KCNIP4: variants seen among roughly 807,000 people sequenced by gnomAD.
KCNIP4 encodes Kv channel-interacting protein 4.
Under a neutral mutation model 34.0 loss-of-function variants are expected in KCNIP4, and 12 were observed. The observed-to-expected ratio is 0.35, with a 90% CI of 0.23 to 0.57. The LOEUF is 0.57. KCNIP4 is among the 20% of genes least tolerant of loss of function. The probability of loss-of-function intolerance (pLI) is 0.83; values close to 1 mark genes in which losing one functional copy is unlikely to be tolerated. For missense variants in KCNIP4, 238 were observed against 311.7 expected (o/e 0.76, Z 1.78); for synonymous variants, 124 against 102.2 (o/e 1.21, Z -1.29).
chr4:21,027,765 T>C (rs774156802), intron 1 of KCNIP4, among the ~76,000 whole-genome samples: 7 of 152,080 alleles, frequency 4.6e-5, no homozygotes, highest in Non-Finnish European at 7.4e-5. Flanking sequence ...ACCGTTTGTC[T>C]AATTTTGTTA....
At chr4:21,253,821 G>A (rs572294646) in intron 1 of KCNIP4, among the ~76,000 whole-genome samples, 2 of 152,252 alleles carry the variant, frequency 1.3e-5, no homozygotes, top group African/African-American at 4.8e-5. Context: ...TCCATTTGCA[G>A]ATAAATGAAT....
intron 1 of KCNIP4, among the ~76,000 whole-genome samples, chr4:21,247,792 C>A: frequency 1.2e-5 from 1 of 80,054 alleles, no homozygotes; most frequent in African/African-American, 7.3e-5. Flanking sequence ...ATATATACAC[C>A]ACAGGTGGAT....
At chr4:21,099,949 G>A (rs1430386730) in intron 1 of KCNIP4, among the ~76,000 whole-genome samples, 3 of 152,120 alleles carry the variant, frequency 2.0e-5, no homozygotes, top group Admixed American at 1.3e-4. Flanking sequence ...ATATGTTACT[G>A]AGTTTGATCA....
intron 1 of KCNIP4, among the ~76,000 whole-genome samples, chr4:21,106,206 G>A (rs931106907): frequency 2.8e-5 from 4 of 144,560 alleles, no homozygotes; most frequent in African/African-American, 1.1e-4. Flanking sequence ...GTAGAATTCG[G>A]CTGTGAATCC....
intron 3 of KCNIP4, among the ~76,000 whole-genome samples, chr4:20,804,093 C>G (rs1434200766): frequency 7.9e-5 from 12 of 152,166 alleles, no homozygotes; most frequent in African/African-American, 2.9e-4. Context: ...GATAGTGATA[C>G]TAACGGTGAC....
intron 1 of KCNIP4, among the ~76,000 whole-genome samples, chr4:20,949,140 C>T (rs1285931053): frequency 4.6e-5 from 7 of 152,104 alleles, no homozygotes; most frequent in South Asian, 4.1e-4. Flanking sequence ...AGTGAGAGTA[C>T]GGTAACAGCG....
intron 1 of KCNIP4, among the ~76,000 whole-genome samples, chr4:21,262,648 C>A (rs1458275398): frequency 1.3e-5 from 2 of 152,086 alleles, no homozygotes; most frequent in Non-Finnish European, 2.9e-5. Context: ...CTATTTTTTA[C>A]TTCCCTACCA....
chr4:21,451,950 G>A (rs1728539250), intron 1 of KCNIP4, among the ~76,000 whole-genome samples: 1 of 152,020 alleles, frequency 6.6e-6, no homozygotes, highest in African/African-American at 2.4e-5. Flanking sequence ...TCATTTAAAA[G>A]AAAAGAATGT....
At chr4:20,771,782 G>A (rs1019566961) in intron 3 of KCNIP4, among the ~76,000 whole-genome samples, 3 of 151,862 alleles carry the variant, frequency 2.0e-5, no homozygotes, top group Non-Finnish European at 2.9e-5. Flanking sequence ...TGATTCTCCC[G>A]CCTTGGCCTT....
intron 1 of KCNIP4, among the ~76,000 whole-genome samples, chr4:21,454,295 G>C (rs1350894268): frequency 6.6e-6 from 1 of 152,098 alleles, no homozygotes; most frequent in East Asian, 1.9e-4. Flanking sequence ...CAGATTTAGT[G>C]GACCCTATTC....
intron 1 of KCNIP4, among the ~76,000 whole-genome samples, chr4:20,909,560 G>A (rs537790228): frequency 6.6e-6 from 1 of 152,286 alleles, no homozygotes; most frequent in African/African-American, 2.4e-5. Flanking sequence ...CACTATGAGA[G>A]AAACAGTCAT....
At chr4:20,737,318 C>T (rs978063649) in intron 5 of KCNIP4, among the ~76,000 whole-genome samples, 4 of 152,128 alleles carry the variant, frequency 2.6e-5, no homozygotes, top group Non-Finnish European at 4.4e-5. Context: ...GAAAAATGTT[C>T]ACTGGACCAG....
intron 1 of KCNIP4, among the ~76,000 whole-genome samples, chr4:21,547,017 T>G (rs1459305191): frequency 6.6e-6 from 1 of 152,172 alleles, no homozygotes; most frequent in Non-Finnish European, 1.5e-5. Flanking sequence ...AAAAAATATT[T>G]CCTCATCACA....
intron 1 of KCNIP4, among the ~76,000 whole-genome samples, chr4:21,744,004 A>T (rs191463113): frequency 1.3e-5 from 2 of 152,208 alleles, no homozygotes; most frequent in Non-Finnish European, 2.9e-5. Flanking sequence ...GAAAATCTAG[A>T]TTATAACCTT....
At chr4:21,620,201 A>G (rs1186354812) in intron 1 of KCNIP4, among the ~76,000 whole-genome samples, 1 of 152,086 alleles carries the variant, frequency 6.6e-6, no homozygotes, top group Non-Finnish European at 1.5e-5. Context: ...AGTAGAAACC[A>G]TAAGTAAAGA....
intron 1 of KCNIP4, among the ~76,000 whole-genome samples, chr4:21,125,113 A>G (rs1483521549): frequency 1.3e-5 from 2 of 148,762 alleles, no homozygotes; most frequent in Admixed American, 1.4e-4. Context: ...CAGCGTGACT[A>G]GATGAATAAG....
chr4:21,902,911 T>G (rs925436647), intron 1 of KCNIP4, among the ~76,000 whole-genome samples: 3 of 152,164 alleles, frequency 2.0e-5, no homozygotes, highest in Non-Finnish European at 4.4e-5. Context: ...TGAGTTCACA[T>G]GGAAGTCATA....
At position 20,920,260 on chromosome 4, in the gene KCNIP4, A is replaced by G. The variant is rs184006654; in HGVS notation, c.62-37551T>C. ...CGTGATTCTTTAATTCTTGTAGGCT[A>G]AATGACTCACTGAACAATTCCTGGA... On this transcript the variant is annotated intron_variant, in intron 1 of 8. Transcript: ENST00000382152. Among the ~76,000 whole-genome samples, 6 of 152,344 alleles carry G rather than the reference A, an allele frequency of 3.9e-5. No homozygotes were observed. The East Asian group carries it at 1.2e-3, about 29-fold the overall frequency.
intron 1 of KCNIP4, among the ~76,000 whole-genome samples, chr4:21,042,257 T>G (rs1206905241): frequency 6.6e-6 from 1 of 152,174 alleles, no homozygotes; most frequent in Admixed American, 6.5e-5. Context: ...GCAGCACTAC[T>G]CACAATAGCT....
Sources: gnomAD v4.1 joint callset for allele counts (sites outside exome capture counted in the v4.1 genomes callset) on GRCh38, gnomAD v4.1.1 for gene constraint, MANE v1.5 for transcripts, NCBI Gene and HGNC (gene_info 2026-07-23, HGNC 2026-07-21) for gene names.